The following OSBP2 variants were observed in gnomAD, a reference collection of about 807,000 sequenced individuals.
OSBP2 encodes the protein oxysterol-binding protein 2.
A neutral mutation model predicts 96.0 loss-of-function variants in OSBP2; 66 were observed. The ratio of observed to expected loss-of-function variants is 0.69; its 90% confidence interval spans 0.56 to 0.84. The LOEUF (loss-of-function observed/expected upper bound fraction) is 0.84. Ranked by LOEUF, OSBP2 falls within the 40% of genes least tolerant of loss-of-function variation. The pLI is 0.00. For synonymous variants in OSBP2, 525 were observed against 520.9 expected (o/e 1.01, Z -0.11); for missense variants, 1,038 against 1,222.7 (o/e 0.85, Z 2.25).
rs760295127 is a variant in OSBP2, at chr22:30,893,185, CAGG to C, written c.1936_1938del (p.Glu646del). On this transcript the variant is annotated inframe_deletion, in exon 9 of 14. Transcript: ENST00000332585. ...CTCCAAGCATGGCTGGAGCCTCTGGCAGGAGATCACCATCTCCAGCAAGTTCCG... is the reference window on the plus strand; with the variant it reads ...CTCCAAGCATGGCTGGAGCCTCTGGCAGATCACCATCTCCAGCAAGTTCCG... 1 of 1,613,998 alleles carries C rather than the reference CAGG, an allele frequency of 6.2e-7. No homozygotes were observed. The highest frequency in any genetic ancestry group is 1.7e-5 in the Admixed American group (1 of 60,008).
rs1454630265 is a variant in OSBP2, at chr22:30,870,862, G to A, written c.1107+180G>A. Among the ~76,000 whole-genome samples the A allele has an allele frequency of 6.6e-6, 1 of 152,280 alleles. No individual in the cohort carries two copies. The highest frequency in any genetic ancestry group is 2.4e-5 in the African/African-American group (1 of 41,556). On this transcript the variant is annotated intron_variant, in intron 3 of 13. Coordinates refer to ENST00000332585, the MANE Select transcript of OSBP2 (RefSeq NM_030758.4). The surrounding 1 kb of genome is among the most constrained non-coding windows in gnomAD (Gnocchi z 4.1). ...AGTTCTTAAATCATCTCCTTCACTC[G>A]GCCGTCGTTGGGCAAGGACATTCTT...
intron 2 of OSBP2, among the ~76,000 whole-genome samples, chr22:30,758,326 G>A (rs536315072): frequency 1.6e-4 from 24 of 152,270 alleles, no homozygotes; most frequent in African/African-American, 4.3e-4. Context: ...ACTTGATCCC[G>A]GGAGGAAGAG....
intron 8 of OSBP2, 72 bp downstream of exon 8, chr22:30,891,045 G>C (rs531326650): frequency 6.5e-7 from 1 of 1,534,154 alleles, no homozygotes; most frequent in South Asian, 1.2e-5. Context: ...CAGGCCCAAG[G>C]TGACAAATGG....
At chr22:30,783,418 G>C (rs2145812047) in intron 2 of OSBP2, among the ~76,000 whole-genome samples, 1 of 146,136 alleles carries the variant, frequency 6.8e-6, no homozygotes, top group South Asian at 2.2e-4. Context: ...CCACCTCCTG[G>C]GTTCAAGCGA....
At chr22:30,893,372 C>T (rs528364748) in intron 9 of OSBP2, 91 bp from the exon 10 acceptor site, 2 of 1,535,848 alleles carry the variant, frequency 1.3e-6, no homozygotes, top group East Asian at 2.2e-5. Flanking sequence ...TTCAACCCCC[C>T]AGCCTAGTTC....
chr22:30,760,049 G>A (rs1443510377), intron 2 of OSBP2, among the ~76,000 whole-genome samples: 1 of 151,692 alleles, frequency 6.6e-6, no homozygotes. Context: ...TGTATTTTTA[G>A]TAGAGACAGG....
At position 30,906,255 on chromosome 22, in the gene OSBP2, C is replaced by T. The variant is rs370164282; in HGVS notation, c.2667C>T (p.Thr889=). ...LWFEKRLDPL[T]GEMACVYKGG... ...TTGAGAAGAGGCTGGATCCGCTGACCGGGGAGATGGCCTGTGTGTACAAGG... is the reference window on the plus strand; with the variant it reads ...TTGAGAAGAGGCTGGATCCGCTGACTGGGGAGATGGCCTGTGTGTACAAGG... Residue 889 remains threonine, a synonymous_variant, in exon 14 of 14, where the codon ACC becomes ACT. Transcript: ENST00000332585. 6.2e-6 allele frequency: 10 copies of T among 1,614,154 alleles called. No homozygotes were observed. The highest frequency in any genetic ancestry group is 1.7e-5 in the Admixed American group (1 of 60,032).
chr22:30,872,584 G>GCGGCAGAGTCAGCCCTGAGTGA, intron 3 of OSBP2: 1 of 359,424 alleles, frequency 2.8e-6, no homozygotes, highest in Non-Finnish European at 5.5e-6. Flanking sequence ...GGGGAACATG[G>GCGGCAGAGTCAGCCCTGAGTGA]CGGCAGAGTC....
At chr22:30,895,351 G>C (rs1055254383) in intron 12 of OSBP2, among the ~76,000 whole-genome samples, 1 of 151,872 alleles carries the variant, frequency 6.6e-6, no homozygotes, top group Non-Finnish European at 1.5e-5. Flanking sequence ...GTACTGAAAG[G>C]GCCTATAGCG....
intron 2 of OSBP2, among the ~76,000 whole-genome samples, chr22:30,752,914 T>C (rs1311707808): frequency 5.3e-5 from 8 of 152,176 alleles, no homozygotes; most frequent in Non-Finnish European, 8.8e-5. Context: ...TCTTAAGATC[T>C]CTGCTTTAAT....
At chr22:30,886,077 C>T (rs1319105355) in intron 3 of OSBP2, among the ~76,000 whole-genome samples, 4 of 152,254 alleles carry the variant, frequency 2.6e-5, no homozygotes, top group Non-Finnish European at 5.9e-5. Flanking sequence ...GAGATTTATT[C>T]TCAGCCAAAT....
At position 30,870,514 on chromosome 22, in the gene OSBP2, A is replaced by G. The variant is rs746826573; in HGVS notation, c.939A>G (p.Leu313=). The part of the protein sequence containing the change: ...HHTLKNLSLK[L]DDLSTCNDLI... Reference sequence around the variant, plus strand: ...CCCTGAAGAATCTTTCCCTGAAGTTAGATGACCTCAGCACGTGCAATGACC... The same window carrying G: ...CCCTGAAGAATCTTTCCCTGAAGTTGGATGACCTCAGCACGTGCAATGACC... Residue 313 remains leucine (L), a synonymous_variant, in exon 3 of 14, where the codon TTA becomes TTG. Coordinates refer to ENST00000332585, the MANE Select transcript of OSBP2 (RefSeq NM_030758.4). This position sits in a 1 kb window ranked among gnomAD's most constrained non-coding sequence, Gnocchi z 4.1. The G allele has an allele frequency of 6.2e-7, 1 of 1,614,108 alleles. No individual in the cohort carries two copies. Among genetic ancestry groups the G allele is most frequent in the South Asian group, 1.1e-5 (1 of 91,086 alleles).
intron 2 of OSBP2, among the ~76,000 whole-genome samples, chr22:30,862,689 A>C (rs1271646500): frequency 6.6e-6 from 1 of 150,936 alleles, no homozygotes; most frequent in African/African-American, 2.4e-5. Context: ...CAAAGAAAAA[A>C]AAGGCTAGGC....
At chr22:30,725,977 G>A (rs771901682) in intron 1 of OSBP2, among the ~76,000 whole-genome samples, 10 of 151,850 alleles carry the variant, frequency 6.6e-5, no homozygotes, top group African/African-American at 1.9e-4. Flanking sequence ...ATGGGGTTTC[G>A]CCGTGTTGCC....
At chr22:30,734,176 T>C (rs954969787) in intron 1 of OSBP2, among the ~76,000 whole-genome samples, 2 of 152,154 alleles carry the variant, frequency 1.3e-5, no homozygotes, top group Non-Finnish European at 2.9e-5. Context: ...GGTTTCACCA[T>C]GTTGGCCAGG....
chr22:30,834,794 GTCTTTTCTTT>G (rs113056328), intron 2 of OSBP2, among the ~76,000 whole-genome samples: 36 of 150,860 alleles, frequency 2.4e-4, no homozygotes, highest in African/African-American at 3.6e-4. Context: ...TCTATGGATT[GTCTTTTCTTT>G]TCTTTTCTTT....
intron 12 of OSBP2, among the ~76,000 whole-genome samples, chr22:30,898,557 C>G (rs1009672811): frequency 1.3e-5 from 2 of 152,066 alleles, no homozygotes; most frequent in Non-Finnish European, 2.9e-5. Flanking sequence ...AAGCAAGTAC[C>G]TTCTTCACAA....
At chr22:30,721,291 G>C (rs1393811723) in intron 1 of OSBP2, among the ~76,000 whole-genome samples, 3 of 152,094 alleles carry the variant, frequency 2.0e-5, no homozygotes, top group Non-Finnish European at 4.4e-5. Flanking sequence ...AAGACAAATG[G>C]TGCATGGGAG....
chr22:30,901,093 G>A (rs2040183473), intron 12 of OSBP2, among the ~76,000 whole-genome samples: 1 of 151,926 alleles, frequency 6.6e-6, no homozygotes, highest in Non-Finnish European at 1.5e-5. Context: ...TTTTGAGATG[G>A]AGTCTCACTC....
Sources: allele counts gnomAD v4.1 joint callset (sites outside exome capture counted in the v4.1 genomes callset), GRCh38; gene constraint gnomAD v4.1.1; non-coding constraint Gnocchi (gnomAD v3.1); transcripts MANE v1.5; gene names NCBI Gene and HGNC (gene_info 2026-07-23, HGNC 2026-07-21).